Variants in TYW1 observed in about 807,000 individuals in gnomAD.
TYW1 encodes the protein S-adenosyl-L-methionine-dependent tRNA 4-demethylwyosine synthase TYW1.
TYW1 carries 46 observed loss-of-function variants against 96.2 expected under a neutral mutation model. The observed-to-expected ratio is 0.48, with a 90% CI of 0.38 to 0.61. The LOEUF (loss-of-function observed/expected upper bound fraction) is 0.61. TYW1 is among the 20% of genes least tolerant of loss of function. The pLI is 0.00. For synonymous variants in TYW1, 274 were observed against 323.0 expected, an observed-to-expected ratio of 0.85 and a Z score of 1.63; for missense variants, 684 against 909.6, an observed-to-expected ratio of 0.75 and a Z score of 3.19.
At position 67,001,298 on chromosome 7, in the gene TYW1, C is replaced by T. The variant is rs1455970987; in HGVS notation, c.273+2344C>T. Among the ~76,000 whole-genome samples the T allele has an allele frequency of 5.3e-5, 8 of 152,188 alleles. No homozygotes were observed. In the East Asian group the frequency reaches 1.5e-3, roughly 29 times the overall value. ...TTAATTAGTTTATACAAACAGCCCTCAAGTCTCAGTGGCTTAATGTTGCTG... is the reference window on the plus strand; with the variant it reads ...TTAATTAGTTTATACAAACAGCCCTTAAGTCTCAGTGGCTTAATGTTGCTG... On this transcript the variant is annotated intron_variant, in intron 3 of 15. Transcript: ENST00000359626.
chr7:67,102,780 T>G (rs1408290889), intron 12 of TYW1, among the ~76,000 whole-genome samples: 1 of 151,968 alleles, frequency 6.6e-6, no homozygotes, highest in Non-Finnish European at 1.5e-5. Context: ...GCCTCCCGAG[T>G]AGCTGGGACT....
intron 12 of TYW1, among the ~76,000 whole-genome samples, chr7:67,113,491 A>G (rs1193657437): frequency 6.6e-6 from 1 of 152,220 alleles, no homozygotes; most frequent in Non-Finnish European, 1.5e-5. Context: ...CGTTTGTTAC[A>G]TGTAACCGCT....
At chr7:67,015,451 A>G (rs1562966274) in intron 5 of TYW1, among the ~76,000 whole-genome samples, 1 of 152,160 alleles carries the variant, frequency 6.6e-6, no homozygotes, top group Non-Finnish European at 1.5e-5. Context: ...TCCTAGGCTC[A>G]AGGGATCCTC....
chr7:67,117,707 A>T, intron 13 of TYW1, 89 bp downstream of exon 13: 1 of 1,339,714 alleles, frequency 7.5e-7, no homozygotes, highest in Non-Finnish European at 9.7e-7. Context: ...AAAAGAACAG[A>T]GGTACTTTTT....
intron 13 of TYW1, among the ~76,000 whole-genome samples, chr7:67,137,929 T>C (rs1340157616): frequency 6.6e-6 from 1 of 152,158 alleles, no homozygotes; most frequent in African/African-American, 2.4e-5. Context: ...TCTCACACCA[T>C]GCACCTCTTC....
chr7:67,212,963 C>A (rs1489483727), intron 15 of TYW1, among the ~76,000 whole-genome samples: 1 of 151,990 alleles, frequency 6.6e-6, no homozygotes, highest in Non-Finnish European at 1.5e-5. Flanking sequence ...GCAACCTCTG[C>A]CCCCCAGGTT....
intron 15 of TYW1, among the ~76,000 whole-genome samples, chr7:67,211,255 AACTT>A (rs1158826119): frequency 2.7e-5 from 4 of 150,040 alleles, no homozygotes; most frequent in African/African-American, 9.9e-5. Flanking sequence ...AGATGGTCCC[AACTT>A]ACAGTGGTTC....
intron 8 of TYW1, among the ~76,000 whole-genome samples, chr7:67,052,876 A>G (rs1000565975): frequency 5.9e-5 from 9 of 151,708 alleles, no homozygotes; most frequent in African/African-American, 2.2e-4. Flanking sequence ...CAGCCTCCTG[A>G]GTAATTGCGT....
intron 10 of TYW1, among the ~76,000 whole-genome samples, chr7:67,069,677 T>A (rs755469966): frequency 9.9e-5 from 15 of 151,654 alleles, no homozygotes; most frequent in South Asian, 8.3e-4. Flanking sequence ...AGGTGGAGGG[T>A]GCAATGAGCC....
chr7:67,221,751 A>G (rs1481060590), intron 15 of TYW1, among the ~76,000 whole-genome samples: 1 of 152,234 alleles, frequency 6.6e-6, no homozygotes, highest in Non-Finnish European at 1.5e-5. Context: ...TCAACAGCAT[A>G]CAAAACTATG....
chr7:67,124,161 ATCT>A (rs1797846889), intron 13 of TYW1, among the ~76,000 whole-genome samples: 1 of 152,268 alleles, frequency 6.6e-6, no homozygotes, highest in Non-Finnish European at 1.5e-5. Context: ...ACTGCATTAC[ATCT>A]TCTACGGTTT....
intron 15 of TYW1, among the ~76,000 whole-genome samples, chr7:67,219,555 A>G (rs1301023695): frequency 6.6e-6 from 1 of 152,124 alleles, no homozygotes; most frequent in Non-Finnish European, 1.5e-5. Flanking sequence ...TACTGATTTA[A>G]TCTCCGTAAT....
At chr7:67,043,264 A>G (rs1795085891) in intron 7 of TYW1, among the ~76,000 whole-genome samples, 1 of 152,048 alleles carries the variant, frequency 6.6e-6, no homozygotes, top group Admixed American at 6.6e-5. Flanking sequence ...TGTAGTGTTT[A>G]GAGAACCATG....
intron 13 of TYW1, among the ~76,000 whole-genome samples, chr7:67,145,812 T>C (rs1798592137): frequency 6.6e-6 from 1 of 152,166 alleles, no homozygotes; most frequent in Non-Finnish European, 1.5e-5. Flanking sequence ...TGGAGCACAG[T>C]TGCACAATCA....
chr7:67,028,028 A>G (rs191071516), intron 7 of TYW1, among the ~76,000 whole-genome samples: 1 of 151,274 alleles, frequency 6.6e-6, no homozygotes, highest in East Asian at 1.9e-4. Context: ...TGAGGTCAGG[A>G]GCTTGAGACC....
At chr7:67,149,722 A>ATATCTATCTATCTATCTATCTATC (rs59266321) in intron 13 of TYW1, among the ~76,000 whole-genome samples, 13 of 140,236 alleles carry the variant, frequency 9.3e-5, no homozygotes, top group East Asian at 4.2e-4. Flanking sequence ...AGGAAAAAAA[A>ATATCTATCTATCTATCTATCTATC]TATCTATCTA....
At position 67,098,674 on chromosome 7, in the gene TYW1, T is replaced by C. The variant is rs2844059; in HGVS notation, c.1518T>C (p.Ile506=). 1.1e-5 allele frequency: 17 copies of C among 1,613,928 alleles called. 1 individual carries two copies. The highest frequency in any genetic ancestry group is 2.7e-5 in the African/African-American group (2 of 74,940). The change falls in exon 12 of 16, where the codon ATT becomes ATC. Residue 506 remains isoleucine, a synonymous_variant. Coordinates refer to ENST00000359626, the MANE Select transcript of TYW1 (RefSeq NM_018264.4). Reference sequence around the variant, plus strand: ...TGAAGCTACTCCACCAGTGTAAAATTTCCAGCTTCCTGGTCACAAACGCAC... The same window carrying C: ...TGAAGCTACTCCACCAGTGTAAAATCTCCAGCTTCCTGGTCACAAACGCAC... ...RFLKLLHQCK[I]SSFLVTNAQF...
intron 12 of TYW1, among the ~76,000 whole-genome samples, chr7:67,104,012 T>A (rs1437592322): frequency 6.6e-6 from 1 of 152,228 alleles, no homozygotes; most frequent in African/African-American, 2.4e-5. Flanking sequence ...CTATTTATTT[T>A]TTATTTTTTT....
At chr7:67,202,456 GC>G (rs1337063778) in intron 15 of TYW1, among the ~76,000 whole-genome samples, 2 of 152,132 alleles carry the variant, frequency 1.3e-5, no homozygotes, top group Non-Finnish European at 2.9e-5. Flanking sequence ...GAGTGCAGTG[GC>G]GTGAACATGG....
Sources: gnomAD v4.1 joint callset for allele counts (sites outside exome capture counted in the v4.1 genomes callset) on GRCh38, gnomAD v4.1.1 for gene constraint, MANE v1.5 for transcripts, NCBI Gene and HGNC (gene_info 2026-07-23, HGNC 2026-07-21) for gene names.